The following NF1 variants were observed in gnomAD, a reference collection of about 807,000 sequenced individuals.
The protein encoded by NF1 is neurofibromin.
A neutral mutation model predicts 325.7 loss-of-function variants in NF1; 122 were observed. That is an observed-to-expected ratio of 0.37 (90% confidence interval 0.32 to 0.44). NF1 has a LOEUF of 0.44. Ranked by LOEUF, NF1 falls within the 20% of genes least tolerant of loss-of-function variation. The pLI is 1.00. For synonymous variants in NF1, 1,091 were observed against 1,186.0 expected (o/e 0.92, Z 1.65); for missense variants, 2,140 against 3,415.4 (o/e 0.63, Z 9.31).
intron 30 of NF1, 50 bp from the exon 31 acceptor site, chr17:31,252,888 C>T (rs756210967): frequency 7.0e-7 from 1 of 1,421,938 alleles, no homozygotes; most frequent in East Asian, 2.3e-5. Context: ...GTTTTTGTTG[C>T]TGTATGTAGT....
rs2151558155 is a variant in NF1 at position 31,338,065 on chromosome 17, C to G, written c.6745C>G (p.Leu2249Val). ...QYNPSLQPRALVVFGCISKRV... is the reference protein window; with the variant it reads ...QYNPSLQPRAVVVFGCISKRV... ...TAATCCATCCCTGCAACCAAGAGCT[C>G]TTGTTGTCTTTGGGTGTATTAGCAA... The change falls in exon 45 of 58, where the codon CTT becomes GTT. Residue 2249 changes from leucine (L) to valine (V), a missense_variant. Coordinates refer to ENST00000358273, the MANE Select transcript of NF1 (RefSeq NM_001042492.3). 1 of 1,613,848 alleles carries G rather than the reference C, an allele frequency of 6.2e-7. No homozygotes were observed. The highest frequency in any genetic ancestry group is 8.5e-7 in the Non-Finnish European group (1 of 1,179,852).
intron 43 of NF1, 116 bp from the exon 44 acceptor site, chr17:31,337,703 C>CTT (rs2151557000): frequency 7.3e-7 from 1 of 1,379,276 alleles, no homozygotes; most frequent in East Asian, 2.7e-5. Context: ...AATAAAAACA[C>CTT]TTGCATGGAC....
At chr17:31,233,261 A>T (rs201880583) in intron 27 of NF1, 48 bp downstream of exon 27, 1 of 1,420,480 alleles carries the variant, frequency 7.0e-7, no homozygotes, top group East Asian at 2.3e-5. Context: ...GCACATAGCA[A>T]ATCCTTCAGA....
intron 1 of NF1, among the ~76,000 whole-genome samples, chr17:31,117,326 T>C (rs1188376109): frequency 1.3e-5 from 2 of 152,066 alleles, no homozygotes; most frequent in African/African-American, 4.8e-5. Context: ...AGTATATGTT[T>C]GATAAAGACA....
intron 5 of NF1, among the ~76,000 whole-genome samples, chr17:31,179,944 A>G (rs1022776465): frequency 2.0e-5 from 3 of 152,200 alleles, no homozygotes; most frequent in Non-Finnish European, 2.9e-5. Flanking sequence ...CAGAAATACA[A>G]ACTACCATCA....
At chr17:31,249,945 CTCTT>C (rs1181451150) in intron 30 of NF1, 1 of 488,120 alleles carries the variant, frequency 2.0e-6, no homozygotes, top group South Asian at 1.5e-5. Context: ...TTGTGTCTCT[CTCTT>C]TGCAGAGTCA....
intron 36 of NF1, chr17:31,272,438 C>T (rs2067918132): frequency 6.6e-6 from 1 of 151,936 alleles, no homozygotes; most frequent in Non-Finnish European, 1.5e-5. Context: ...GAGATTTGGG[C>T]TTGTCCCAGG....
chr17:31,199,084 CT>C (rs1227374907), intron 8 of NF1, among the ~76,000 whole-genome samples: 2 of 151,918 alleles, frequency 1.3e-5, no homozygotes, highest in East Asian at 3.9e-4. Flanking sequence ...TCTGTTCTCT[CT>C]TTTCACTCTA....
At position 31,122,583 on chromosome 17, in the gene NF1, A is replaced by C. The variant is rs1366991811; in HGVS notation, c.60+27214A>C. On this transcript the variant is annotated intron_variant, in intron 1 of 57. Transcript: ENST00000358273. ...TTGCTTGAATGGGTGCTGTTGGCTTAAACATCTAATTGCATCTGCTTTGTC... is the reference window on the plus strand; with the variant it reads ...TTGCTTGAATGGGTGCTGTTGGCTTCAACATCTAATTGCATCTGCTTTGTC... Among the ~76,000 whole-genome samples the C allele has an allele frequency of 2.6e-5, 4 of 152,234 alleles. No individual in the cohort carries two copies. The East Asian group carries it at 7.7e-4, about 29-fold the overall frequency.
chr17:31,338,341 ACT>A (rs775679544), intron 45 of NF1, among the ~76,000 whole-genome samples: 1 of 152,120 alleles, frequency 6.6e-6, no homozygotes, highest in Non-Finnish European at 1.5e-5. Flanking sequence ...TTATATGTAA[ACT>A]CTGATTACTT....
rs2151425497 is a variant in NF1 at position 31,226,432 on chromosome 17, C to A, written c.2002-3C>A. 6.2e-7 allele frequency: 1 copy of A among 1,613,238 alleles called. No homozygotes were observed. Among genetic ancestry groups the A allele is most frequent in the South Asian group, 1.1e-5 (1 of 91,068 alleles). On this transcript the variant is annotated splice_polypyrimidine_tract_variant and splice_region_variant and intron_variant, in intron 17 of 57. Coordinates refer to ENST00000358273, the MANE Select transcript of NF1 (RefSeq NM_001042492.3). ...ATATATGTCTTCCACCCTTGACTCT[C>A]AGGATAGTGCAGCAGGATGCAGCGG...
At chr17:31,320,513 A>C (rs1015139738) in intron 36 of NF1, 1 of 1,239,136 alleles carries the variant, frequency 8.1e-7, no homozygotes, top group Non-Finnish European at 1.2e-6. Flanking sequence ...ACATTTGTAT[A>C]CTATTAAAAT....
intron 11 of NF1, among the ~76,000 whole-genome samples, chr17:31,202,029 A>T (rs2066539599): frequency 6.6e-6 from 1 of 152,216 alleles, no homozygotes; most frequent in South Asian, 2.1e-4. Context: ...ACTTTAAAGT[A>T]GGTATTAACA....
At chr17:31,215,603 T>A (rs1190819917) in intron 13 of NF1, among the ~76,000 whole-genome samples, 1 of 152,188 alleles carries the variant, frequency 6.6e-6, no homozygotes, top group Non-Finnish European at 1.5e-5. Context: ...ACTAAATAAA[T>A]GTTAGCTATT....
chr17:31,220,039 G>A (rs567034065), intron 14 of NF1, among the ~76,000 whole-genome samples: 141 of 152,232 alleles, frequency 9.3e-4, no homozygotes, highest in African/African-American at 3.2e-3. Flanking sequence ...TCTATATGTG[G>A]ACATATCTCT....
At chr17:31,254,073 T>C (rs975155879) in intron 31 of NF1, 1 of 151,782 alleles carries the variant, frequency 6.6e-6, no homozygotes, top group Non-Finnish European at 1.5e-5. Context: ...AAAGACCAGC[T>C]TGGGCAACAT....
rs1301977540 is a variant in NF1 at position 31,295,827 on chromosome 17, G to T, written c.4836-29993G>T. ...TTATTAGACAGGTCCACGATATGTAGTTTGGAGGGCATGTTGGTTGGAACT... is the reference window on the plus strand; with the variant it reads ...TTATTAGACAGGTCCACGATATGTATTTTGGAGGGCATGTTGGTTGGAACT... On this transcript the variant is annotated intron_variant, in intron 36 of 57. Coordinates refer to ENST00000358273, the MANE Select transcript of NF1 (RefSeq NM_001042492.3). 5 of 1,614,086 alleles carry T rather than the reference G, an allele frequency of 3.1e-6. No homozygotes were observed. In the African/African-American group the frequency reaches 6.7e-5, roughly 22 times the overall value.
At chr17:31,285,020 G>A (rs2068197865) in intron 36 of NF1, among the ~76,000 whole-genome samples, 1 of 152,160 alleles carries the variant, frequency 6.6e-6, no homozygotes, top group Non-Finnish European at 1.5e-5. Context: ...TCAGGAGGCT[G>A]AGGCAGGAGA....
At chr17:31,174,821 C>T (rs940736593) in intron 5 of NF1, among the ~76,000 whole-genome samples, 1 of 151,954 alleles carries the variant, frequency 6.6e-6, no homozygotes, top group African/African-American at 2.4e-5. Context: ...ATAGAGCCAT[C>T]AAAAATAGGC....
Sources: gnomAD v4.1 joint callset for allele counts (sites outside exome capture counted in the v4.1 genomes callset) on GRCh38, gnomAD v4.1.1 for gene constraint, MANE v1.5 for transcripts, NCBI Gene and HGNC (gene_info 2026-07-23, HGNC 2026-07-21) for gene names.